The following SAMD5 variants were observed in gnomAD, a reference collection of about 807,000 sequenced individuals.
SAMD5 encodes sterile alpha motif domain containing 5.
A neutral mutation model predicts 11.3 loss-of-function variants in SAMD5; 13 were observed. The observed-to-expected ratio is 1.15, with a 90% CI of 0.75 to 1.83. SAMD5 has a LOEUF of 1.83. Among genes scored for constraint, SAMD5 ranks in the 40% most tolerant of loss-of-function variants. SAMD5 has a pLI of 0.00. For synonymous variants in SAMD5, 129 were observed against 111.3 expected, an observed-to-expected ratio of 1.16 and a Z score of -1.00; for missense variants, 255 against 239.1, an observed-to-expected ratio of 1.07 and a Z score of -0.44.
At chr6:147,645,558 C>T (rs977160694) in intron 1 of SAMD5, among the ~76,000 whole-genome samples, 1 of 152,150 alleles carries the variant, frequency 6.6e-6, no homozygotes, top group African/African-American at 2.4e-5. Flanking sequence ...GAGCAAGTTA[C>T]ATTGAATTCT....
chr6:147,934,420 G>A, the SAMD5 span, among the ~76,000 whole-genome samples: 37,360 of 152,080 alleles, frequency 0.25, 5,505 homozygotes, highest in African/African-American at 0.4. Context: ...GGCCATAAGC[G>A]AAAAATCACC....
chr6:147,874,843 G>A, the SAMD5 span, among the ~76,000 whole-genome samples: 1 of 152,020 alleles, frequency 6.6e-6, no homozygotes, highest in African/African-American at 2.4e-5. Flanking sequence ...GATTGTACAT[G>A]TTTATAGTGA....
At chr6:147,910,715 G>A in the SAMD5 span, among the ~76,000 whole-genome samples, 1 of 152,108 alleles carries the variant, frequency 6.6e-6, no homozygotes, top group African/African-American at 2.4e-5. Context: ...AATTTGTGCT[G>A]GCCAGTCTAT....
the SAMD5 span, among the ~76,000 whole-genome samples, chr6:147,809,336 C>A: frequency 1.3e-5 from 2 of 152,104 alleles, no homozygotes; most frequent in Admixed American, 6.5e-5. Flanking sequence ...ATAGCCTGGG[C>A]ATGGTGACTC....
At chr6:147,939,642 T>C in the SAMD5 span, among the ~76,000 whole-genome samples, 1 of 151,950 alleles carries the variant, frequency 6.6e-6, no homozygotes, top group African/African-American at 2.4e-5. Context: ...GTAAGAGATG[T>C]AGAGGAGAAA....
the SAMD5 span, among the ~76,000 whole-genome samples, chr6:147,793,975 C>T: frequency 4.6e-5 from 7 of 152,128 alleles, no homozygotes; most frequent in Non-Finnish European, 8.8e-5. Flanking sequence ...CTTTTCTTCA[C>T]TTATACCAGA....
chr6:147,724,146 G>C (rs1583154445), intron 1 of SAMD5, among the ~76,000 whole-genome samples: 1 of 151,940 alleles, frequency 6.6e-6, no homozygotes, highest in East Asian at 1.9e-4. Flanking sequence ...TATATTTTTT[G>C]AAACAGAGTC....
the SAMD5 span, among the ~76,000 whole-genome samples, chr6:147,810,495 G>A: frequency 7.2e-5 from 11 of 152,184 alleles, no homozygotes; most frequent in Non-Finnish European, 1.3e-4. Context: ...ACCTCCTAGA[G>A]AATGTGACAG....
the SAMD5 span, among the ~76,000 whole-genome samples, chr6:147,895,441 A>T: frequency 5.9e-5 from 9 of 152,202 alleles, no homozygotes; most frequent in African/African-American, 1.9e-4. Context: ...CTAGAGTGAA[A>T]TATGAGAATG....
chr6:147,692,244 G>C (rs73014029), intron 1 of SAMD5, among the ~76,000 whole-genome samples: 1 of 151,954 alleles, frequency 6.6e-6, no homozygotes. Context: ...TCAACCCTGC[G>C]CAACTCTTAC....
rs567147075 is a variant in SAMD5 at position 147,661,618 on chromosome 6, G to GTGTT, written c.163-75689_163-75686dup. ...ACCTTGATCATTAAAACCACTCTTT[G>GTGTT]TGTTTGTTTGTTTATTTATTTATTT... On this transcript the variant is annotated intron_variant, in intron 1 of 1. Coordinates refer to the SAMD5 transcript ENST00000566741. 3.2e-3 allele frequency among the ~76,000 whole-genome samples: 484 copies of GTGTT among 152,174 alleles called. 2 individuals carry two copies. The highest frequency in any genetic ancestry group is 0.011 in the African/African-American group (455 of 41,518).
At chr6:147,633,824 G>A (rs1027402495) in intron 1 of SAMD5, among the ~76,000 whole-genome samples, 1 of 151,262 alleles carries the variant, frequency 6.6e-6, no homozygotes. Flanking sequence ...GTTTTACTGA[G>A]ATAGAATTCA....
chr6:147,562,340 G>C (rs900796009), intron 1 of SAMD5, among the ~76,000 whole-genome samples: 1 of 152,176 alleles, frequency 6.6e-6, no homozygotes, highest in African/African-American at 2.4e-5. Flanking sequence ...AAGAAAAGCG[G>C]ACTCCCTCTG....
chr6:147,908,240 C>T, the SAMD5 span, among the ~76,000 whole-genome samples: 3 of 152,254 alleles, frequency 2.0e-5, no homozygotes, highest in East Asian at 3.9e-4. Flanking sequence ...TTAGCAGCTA[C>T]TTGTTTCAAA....
At chr6:147,608,611 T>C (rs896796994) in intron 1 of SAMD5, among the ~76,000 whole-genome samples, 12 of 152,082 alleles carry the variant, frequency 7.9e-5, no homozygotes, top group Non-Finnish European at 1.0e-4. Context: ...CTCATGGTTA[T>C]AGAGAATAGA....
At chr6:147,717,864 A>G (rs1250557448) in intron 1 of SAMD5, among the ~76,000 whole-genome samples, 1 of 147,186 alleles carries the variant, frequency 6.8e-6, no homozygotes, top group Non-Finnish European at 1.5e-5. Context: ...AACACAAAAC[A>G]AAACAAAACA....
the SAMD5 span, among the ~76,000 whole-genome samples, chr6:147,887,080 G>T: frequency 6.6e-6 from 1 of 152,128 alleles, no homozygotes; most frequent in Non-Finnish European, 1.5e-5. Flanking sequence ...GTTTTAAACT[G>T]CTAAGTTTCA....
rs754012130 is a variant in SAMD5, at chr6:147,509,060, C to A, written c.132C>A (p.Ile44=). The change falls in exon 1 of 2, where the codon ATC becomes ATA. Residue 44 remains isoleucine (I), a synonymous_variant. Transcript: ENST00000367474. ...TCGGGGACCCGGACCTGGATGCCATCGGGGTGCTGGCGCCCGCGCACCGCC... is the reference window on the plus strand; with the variant it reads ...TCGGGGACCCGGACCTGGATGCCATAGGGGTGCTGGCGCCCGCGCACCGCC... ...KQIGDPDLDA[I]GVLAPAHRRR... 6.9e-6 allele frequency: 11 copies of A among 1,605,102 alleles called. No homozygotes were observed. The highest frequency in any genetic ancestry group is 4.5e-5 in the South Asian group (4 of 89,676).
chr6:147,765,805 T>C, the SAMD5 span, among the ~76,000 whole-genome samples: 9 of 152,080 alleles, frequency 5.9e-5, no homozygotes, highest in Admixed American at 4.6e-4. Context: ...GGAACTCTTA[T>C]CTCTAGAGAA....
Sources: allele counts gnomAD v4.1 joint callset (sites outside exome capture counted in the v4.1 genomes callset), GRCh38; gene constraint gnomAD v4.1.1; transcripts MANE v1.5; gene names NCBI Gene and HGNC (gene_info 2026-07-23, HGNC 2026-07-21).